RAB37: variants seen among roughly 807,000 people sequenced by gnomAD.
RAB37 encodes ras-related protein Rab-37.
A neutral mutation model predicts 33.1 loss-of-function variants in RAB37; 29 were observed. The observed-to-expected ratio is 0.88, with a 90% CI of 0.65 to 1.20. The LOEUF (loss-of-function observed/expected upper bound fraction) is 1.20, where lower values mean the gene tolerates loss of function less well. Ranked by LOEUF, RAB37 falls within the 50% of genes most tolerant of loss-of-function variation. The probability of loss-of-function intolerance (pLI) is 0.00; values close to 1 mark genes in which losing one functional copy is unlikely to be tolerated. For synonymous variants in RAB37, 128 were observed against 119.5 expected, an observed-to-expected ratio of 1.07 and a Z score of -0.47; for missense variants, 299 against 301.1, an observed-to-expected ratio of 0.99 and a Z score of 0.05.
chr17:74,708,665 C>T (rs2033707412), intron 1 of RAB37, among the ~76,000 whole-genome samples: 1 of 152,100 alleles, frequency 6.6e-6, no homozygotes, highest in Non-Finnish European at 1.5e-5. Context: ...ACCGGTAATC[C>T]CAGCATTTTG....
upstream of RAB37, among the ~76,000 whole-genome samples, chr17:74,732,533 T>C (rs2034398407): frequency 8.9e-6 from 1 of 112,188 alleles, no homozygotes; most frequent in African/African-American, 3.2e-5. Flanking sequence ...TTGAGGTGCG[T>C]GGTGAGGTGT....
At position 74,676,662 on chromosome 17, in the gene RAB37, G is replaced by A. The variant is rs778268128; in HGVS notation, c.72+5004G>A. Among the ~76,000 whole-genome samples, 3 of 152,130 alleles carry A rather than the reference G, an allele frequency of 2.0e-5. No individual in the cohort carries two copies. Among genetic ancestry groups the A allele is most frequent in the African/African-American group, 2.4e-5 (1 of 41,432 alleles). ...GTAAAGAACTAGGCTGGTCATTGTC[G>A]AGAATATAGACGCAAATGATTCCCA... On this transcript the variant is annotated intron_variant, in intron 1 of 7. Coordinates refer to the RAB37 transcript ENST00000340415. This position sits in a 1 kb window ranked among gnomAD's most constrained non-coding sequence, Gnocchi z 4.1.
chr17:74,726,291 G>C (rs1055579585), intron 1 of RAB37, among the ~76,000 whole-genome samples: 2 of 147,902 alleles, frequency 1.4e-5, no homozygotes, highest in African/African-American at 5.0e-5. Flanking sequence ...GCCCCACCCC[G>C]AGCCAAGGTT....
chr17:74,718,216 C>T (rs1213999285), intron 1 of RAB37, among the ~76,000 whole-genome samples: 1 of 152,116 alleles, frequency 6.6e-6, no homozygotes, highest in Non-Finnish European at 1.5e-5. Flanking sequence ...ATCACCTGAG[C>T]CCAGGAGACG....
In RAB37 at chr17:74,729,118, T is replaced by C. The variant is rs775352341; in HGVS notation, c.73-138T>C. 1 of 682,098 alleles carries C rather than the reference T, an allele frequency of 1.5e-6. No individual in the cohort carries two copies. The highest frequency in any genetic ancestry group is 2.6e-5 in the East Asian group (1 of 37,942). 42.3% of individuals were successfully genotyped at this position (682,098 alleles called of 1,614,324 possible). A position where few individuals can be genotyped will look rare whatever the true frequency, so the allele number is the denominator to read the frequency against. ...TGTATGTGTGTGTCAGTGTCTTGTG[T>C]GTGTGTGTTTCTGTGTGTGTGTGTG... On this transcript the variant is annotated intron_variant, in intron 1 of 7. Transcript: ENST00000340415. This position sits in a 1 kb window ranked among gnomAD's most constrained non-coding sequence, Gnocchi z 4.2.
At chr17:74,672,195 A>G (rs2031721405) in intron 1 of RAB37, among the ~76,000 whole-genome samples, 1 of 152,020 alleles carries the variant, frequency 6.6e-6, no homozygotes, top group Admixed American at 6.6e-5. Flanking sequence ...TAACATATCC[A>G]TTGCTTCCTT....
intron 1 of RAB37, among the ~76,000 whole-genome samples, chr17:74,709,343 C>T (rs2033779429): frequency 6.6e-6 from 1 of 152,152 alleles, no homozygotes. Flanking sequence ...AACGCTCATT[C>T]ATGATTTTTT....
chr17:74,733,851 G>A (rs1467077224), upstream of RAB37, among the ~76,000 whole-genome samples: 3 of 151,964 alleles, frequency 2.0e-5, no homozygotes, highest in Non-Finnish European at 2.9e-5. Flanking sequence ...AGTGGCCCTG[G>A]GGACAGTGTA....
chr17:74,695,790 G>A (rs780296348), intron 1 of RAB37: 5 of 1,614,130 alleles, frequency 3.1e-6, no homozygotes, highest in East Asian at 2.2e-5. Flanking sequence ...GTAGCCTTTT[G>A]CGGGGAGGTT....
intron 1 of RAB37, 143 bp downstream of exon 1, chr17:74,737,508 G>T (rs1039531185): frequency 2.0e-6 from 2 of 1,006,088 alleles, no homozygotes; most frequent in African/African-American, 3.3e-5. Flanking sequence ...ACAGCCTCTG[G>T]GGCCGTCCCA....
At position 74,730,832 on chromosome 17, in the gene RAB37, A is replaced by T. The variant is rs2034375107; in HGVS notation, c.183+1466A>T. ...GCAAAGTCTGACTCACGTTCCACAG[A>T]CCACAGAGGTGAGATCTCCAAATTT... On this transcript the variant is annotated intron_variant, in intron 2 of 7. Coordinates refer to the RAB37 transcript ENST00000340415. The surrounding 1 kb of genome is among the most constrained non-coding windows in gnomAD (Gnocchi z 4.4). Among the ~76,000 whole-genome samples, 2 of 152,194 alleles carry T rather than the reference A, an allele frequency of 1.3e-5. No homozygotes were observed. The highest frequency in any genetic ancestry group is 4.1e-4 in the South Asian group (2 of 4,824).
At chr17:74,687,626 AG>A (rs1567776476) in intron 1 of RAB37, among the ~76,000 whole-genome samples, 1 of 152,190 alleles carries the variant, frequency 6.6e-6, no homozygotes, top group African/African-American at 2.4e-5. Flanking sequence ...GTGCTGGGGC[AG>A]GGGGAATCTG....
At chr17:74,698,719 G>T in intron 1 of RAB37, 1 of 998,958 alleles carries the variant, frequency 1.0e-6, no homozygotes, top group Non-Finnish European at 1.4e-6. Flanking sequence ...ATGGAGGGTG[G>T]GAGGAAGCAA....
At chr17:74,693,231 G>C (rs1372916904) in intron 1 of RAB37, among the ~76,000 whole-genome samples, 1 of 152,196 alleles carries the variant, frequency 6.6e-6, no homozygotes, top group African/African-American at 2.4e-5. Flanking sequence ...CTGGAAAGGA[G>C]GAATAGCAAA....
rs1357813890 is a variant in RAB37, at chr17:74,744,195, G to A, written c.367-113G>A. 11 of 1,022,810 alleles carry A rather than the reference G, an allele frequency of 1.1e-5. No homozygotes were observed. The highest frequency in any genetic ancestry group is 2.9e-5 in the South Asian group (2 of 68,102). The allele number at this position is 1,022,810 out of a possible 1,614,324, so 63.4% of individuals were successfully genotyped here. On this transcript the variant is annotated intron_variant, in intron 5 of 8. Coordinates refer to ENST00000392613, the MANE Select transcript of RAB37 (RefSeq NM_001006638.3). The surrounding 1 kb of genome is among the most constrained non-coding windows in gnomAD (Gnocchi z 4.2). ...AGAACAAAGGTACAGATGAGAGAAC[G>A]CACAGGGTATCGTGTTCAAGGTAGT...
rs903997363 is a variant in RAB37 at position 74,742,085 on chromosome 17, G to T, written c.205-169G>T. 6.6e-6 allele frequency among the ~76,000 whole-genome samples: 1 copy of T among 152,188 alleles called. No homozygotes were observed. The highest frequency in any genetic ancestry group is 1.5e-5 in the Non-Finnish European group (1 of 68,022). On this transcript the variant is annotated intron_variant, in intron 2 of 8. Transcript: ENST00000392613. The surrounding 1 kb of genome is among the most constrained non-coding windows in gnomAD (Gnocchi z 4.0). ...CAGAAGGGACGACTCCACAGTGGAG[G>T]TGTCTGGGTATGGGGTTCCTGCTGC...
At chr17:74,674,213 T>C (rs1048020214) in intron 1 of RAB37, among the ~76,000 whole-genome samples, 15 of 152,080 alleles carry the variant, frequency 9.9e-5, no homozygotes, top group Admixed American at 2.6e-4. Context: ...TAACTGGAAC[T>C]GCAGGCATGT....
In RAB37 at chr17:74,744,975, AC is replaced by A; in HGVS notation, c.490-32del. ...CAGGGTGAAGGGTGGGGGCAACCCG[AC>A]GCTGGCCCTGAGGACACTCTCTCCC... On this transcript the variant is annotated intron_variant, in intron 7 of 8. Coordinates refer to ENST00000392613, the MANE Select transcript of RAB37 (RefSeq NM_001006638.3). The surrounding 1 kb of genome is among the most constrained non-coding windows in gnomAD (Gnocchi z 4.2). The A allele has an allele frequency of 6.2e-7, 1 of 1,614,170 alleles. No individual in the cohort carries two copies. The highest frequency in any genetic ancestry group is 8.5e-7 in the Non-Finnish European group (1 of 1,179,972).
In RAB37 at chr17:74,745,387, C is replaced by G. The variant is rs2034737448; in HGVS notation, c.648C>G (p.Arg216=). The G allele has an allele frequency of 1.2e-6, 2 of 1,613,956 alleles. No individual in the cohort carries two copies. The highest frequency in any genetic ancestry group is 1.7e-5 in the Admixed American group (1 of 60,000). Residue 216 remains arginine, a synonymous_variant, in exon 9 of 9, where the codon CGC becomes CGG. Transcript: ENST00000392613. This position sits in a 1 kb window ranked among gnomAD's most constrained non-coding sequence, Gnocchi z 4.5. The stretch of plus-strand genomic sequence containing the variant: ...ACTATGTAGAGTCCCAGAAGAAGCG[C>G]TCCAGCTGCTGCTCCTTCATGTGAA... The part of the protein sequence containing the change: ...IRDYVESQKK[R]SSCCSFM
Sources: gnomAD v4.1 joint callset for allele counts (sites outside exome capture counted in the v4.1 genomes callset) on GRCh38, gnomAD v4.1.1 for gene constraint, Gnocchi (gnomAD v3.1) non-coding constraint, MANE v1.5 for transcripts, NCBI Gene and HGNC (gene_info 2026-07-23, HGNC 2026-07-21) for gene names.